The following IGF1R variants were observed in gnomAD, a reference collection of about 807,000 sequenced individuals.
IGF1R encodes the protein insulin-like growth factor 1 receptor.
In IGF1R, 44 loss-of-function variants were observed where a neutral mutation model predicts 144.6. The observed-to-expected ratio is 0.30, with a 90% CI of 0.24 to 0.39. The LOEUF (loss-of-function observed/expected upper bound fraction) is 0.39, where lower values mean the gene tolerates loss of function less well. Among genes scored for constraint, IGF1R ranks in the 10% least tolerant of loss-of-function variants. The pLI is 1.00. For missense variants in IGF1R, 1,355 were observed against 1,833.7 expected (o/e 0.74, Z 4.77); for synonymous variants, 795 against 722.8 (o/e 1.10, Z -1.60).
Position 98,800,860 on chromosome 15 carries a change from C to A in IGF1R, c.641-90465C>A, listed in dbSNP as rs79477484. Among the ~76,000 whole-genome samples the A allele has an allele frequency of 2.0e-5, 3 of 152,302 alleles. No individual in the cohort carries two copies. The East Asian group carries it at 5.8e-4, about 29-fold the overall frequency. ...GAGGAGAGGGCTTGTGTTACAGCAGCAGTTGGGTAATACATTTCATTCACT... is the reference window on the plus strand; with the variant it reads ...GAGGAGAGGGCTTGTGTTACAGCAGAAGTTGGGTAATACATTTCATTCACT... On this transcript the variant is annotated intron_variant, in intron 2 of 20. Coordinates refer to ENST00000650285, the MANE Select transcript of IGF1R (RefSeq NM_000875.5).
At chr15:98,784,242 C>G (rs1417558445) in intron 2 of IGF1R, among the ~76,000 whole-genome samples, 1 of 151,864 alleles carries the variant, frequency 6.6e-6, no homozygotes, top group East Asian at 1.9e-4. Context: ...GCCCCTGAAT[C>G]CTATTTTTAA....
Position 98,891,784 on chromosome 15 carries a change from C to T in IGF1R, c.953+147C>T. 1.3e-6 allele frequency: 1 copy of T among 746,142 alleles called. No homozygotes were observed. 46.2% of individuals were successfully genotyped at this position (746,142 alleles called of 1,614,324 possible). A position where few individuals can be genotyped will look rare whatever the true frequency, so the allele number is the denominator to read the frequency against. On this transcript the variant is annotated intron_variant, in intron 3 of 20. Coordinates refer to ENST00000650285, the MANE Select transcript of IGF1R (RefSeq NM_000875.5). The surrounding 1 kb of genome is among the most constrained non-coding windows in gnomAD (Gnocchi z 4.7). The stretch of plus-strand genomic sequence containing the variant: ...GGTCATTTTGAGAGGGCTGGCTTAC[C>T]TTAAATGTTTGGTGAGATTCTAGGA...
At chr15:98,828,994 G>A (rs1234356710) in intron 2 of IGF1R, among the ~76,000 whole-genome samples, 1 of 151,852 alleles carries the variant, frequency 6.6e-6, no homozygotes, top group Non-Finnish European at 1.5e-5. Flanking sequence ...TACAACTGTC[G>A]GTCTAATTGC....
At chr15:98,920,828 G>T (rs1375205274) in intron 10 of IGF1R, among the ~76,000 whole-genome samples, 1 of 152,166 alleles carries the variant, frequency 6.6e-6, no homozygotes, top group African/African-American at 2.4e-5. Flanking sequence ...TTCCTCAGGG[G>T]AATCCATGGG....
intron 2 of IGF1R, among the ~76,000 whole-genome samples, chr15:98,823,798 G>C (rs1267958184): frequency 6.6e-6 from 1 of 152,008 alleles, no homozygotes; most frequent in Non-Finnish European, 1.5e-5. Flanking sequence ...TGATCCAGTA[G>C]TTAAAACTCC....
Position 98,648,967 on chromosome 15 carries a change from A to G in IGF1R, c.-615A>G, listed in dbSNP as rs1178398474. The G allele has an allele frequency of 5.1e-6, 1 of 195,830 alleles. No individual in the cohort carries two copies. Among genetic ancestry groups the G allele is most frequent in the Non-Finnish European group, 1.0e-5 (1 of 96,258 alleles). The allele number at this position is 195,830 out of a possible 1,614,324, so 12.1% of individuals were successfully genotyped here. On this transcript the variant is annotated 5_prime_UTR_variant, in exon 1 of 21. Transcript: ENST00000650285. ...GCCCGCCGCTTTGTGTGTGTCCTGG[A>G]TTTGGGAAGGAGCTCGCCGCGGCGG...
At chr15:98,670,936 C>T (rs1463395317) in intron 1 of IGF1R, among the ~76,000 whole-genome samples, 2 of 152,184 alleles carry the variant, frequency 1.3e-5, no homozygotes, top group African/African-American at 4.8e-5. Context: ...GCTCCAGTAG[C>T]TTCCTGTTGT....
At chr15:98,922,518 C>G in intron 11 of IGF1R, 87 bp downstream of exon 11, 2 of 1,503,496 alleles carry the variant, frequency 1.3e-6, no homozygotes, top group Non-Finnish European at 1.8e-6. Context: ...GTCTGACACC[C>G]AGGGCCATGA....
intron 4 of IGF1R, among the ~76,000 whole-genome samples, chr15:98,898,527 A>G (rs969173919): frequency 6.6e-6 from 1 of 152,242 alleles, no homozygotes; most frequent in Non-Finnish European, 1.5e-5. Flanking sequence ...GCAACCTCTC[A>G]TCTTTCCAAC....
chr15:98,720,161 C>G (rs2054214025), intron 2 of IGF1R, among the ~76,000 whole-genome samples: 1 of 152,172 alleles, frequency 6.6e-6, no homozygotes, highest in African/African-American at 2.4e-5. Context: ...TAAATAAATG[C>G]AAACTCATCA....
intron 2 of IGF1R, among the ~76,000 whole-genome samples, chr15:98,714,466 A>C (rs1199065109): frequency 1.3e-5 from 2 of 152,126 alleles, no homozygotes; most frequent in African/African-American, 4.8e-5. Context: ...CAACATGGTG[A>C]GACCTTGTTC....
chr15:98,917,281 C>T (rs1327168579), intron 10 of IGF1R, among the ~76,000 whole-genome samples: 1 of 152,172 alleles, frequency 6.6e-6, no homozygotes, highest in Non-Finnish European at 1.5e-5. Flanking sequence ...CTCTCAGCCT[C>T]ACAGAGGAGG....
At chr15:98,885,020 G>A (rs941302200) in intron 2 of IGF1R, among the ~76,000 whole-genome samples, 5 of 152,130 alleles carry the variant, frequency 3.3e-5, no homozygotes, top group African/African-American at 7.2e-5. Context: ...CTCTTGGCCC[G>A]CACTCTCTGT....
chr15:98,900,866 C>A (rs1429730819), intron 5 of IGF1R: 1 of 151,750 alleles, frequency 6.6e-6, no homozygotes, highest in Non-Finnish European at 1.5e-5. Context: ...TGTCTGTGAG[C>A]ATTTCTTCTT....
At chr15:98,868,375 G>T (rs918687837) in intron 2 of IGF1R, among the ~76,000 whole-genome samples, 5 of 134,662 alleles carry the variant, frequency 3.7e-5, no homozygotes, top group African/African-American at 7.9e-5. Flanking sequence ...TTTTTTGGGG[G>T]GGGGGTCCTT....
rs143945545 is a variant in IGF1R, at chr15:98,959,279, G to A, written c.*1837G>A. ...CATTTGGATTACTATTTTTCTTAAT[G>A]GCTATTTAATCCTTCCATCCCACGA... On this transcript the variant is annotated 3_prime_UTR_variant, in exon 21 of 21. Transcript: ENST00000650285. 157 of 233,540 alleles carry A rather than the reference G, an allele frequency of 6.7e-4. No individual in the cohort carries two copies. Among genetic ancestry groups the A allele is most frequent in the African/African-American group, 3.3e-3 (148 of 45,452 alleles). 14.5% of individuals were successfully genotyped at this position (233,540 alleles called of 1,614,324 possible).
intron 2 of IGF1R, among the ~76,000 whole-genome samples, chr15:98,875,330 C>CTTTCT (rs1555455548): frequency 1.1e-4 from 16 of 142,292 alleles, no homozygotes; most frequent in East Asian, 4.2e-4. Flanking sequence ...TAGTTTCTTT[C>CTTTCT]TTTCTTTTCT....
chr15:98,679,233 A>T (rs1192524981), intron 1 of IGF1R, among the ~76,000 whole-genome samples: 1 of 152,148 alleles, frequency 6.6e-6, no homozygotes, highest in Non-Finnish European at 1.5e-5. Context: ...CAATTTTAGT[A>T]ATTTAGTAAT....
intron 8 of IGF1R, 87 bp from the exon 9 acceptor site, chr15:98,915,877 A>G: frequency 1.7e-6 from 2 of 1,191,266 alleles, no homozygotes; most frequent in East Asian, 4.7e-5. Context: ...TCAAACTGGC[A>G]GTTTCCTGTT....
Sources: gnomAD v4.1 joint callset for allele counts (sites outside exome capture counted in the v4.1 genomes callset) on GRCh38, gnomAD v4.1.1 for gene constraint, Gnocchi (gnomAD v3.1) non-coding constraint, MANE v1.5 for transcripts, NCBI Gene and HGNC (gene_info 2026-07-23, HGNC 2026-07-21) for gene names.